OTOGL: variants seen among roughly 807,000 people sequenced by gnomAD.
The protein encoded by OTOGL is otogelin like.
OTOGL carries 285 observed loss-of-function variants against 318.5 expected under a neutral mutation model. The observed-to-expected ratio is 0.89, with a 90% CI of 0.81 to 0.99. The LOEUF is 0.99. OTOGL is among the 50% of genes least tolerant of loss of function. The pLI, the probability that OTOGL is intolerant of heterozygous loss-of-function variation, is 0.00. For synonymous variants in OTOGL, 987 were observed against 936.5 expected (o/e 1.05, Z -0.99); for missense variants, 2,899 against 2,845.6 (o/e 1.02, Z -0.43).
chr12:80,123,180 C>A (rs1412111844), intron 1 of OTOGL, among the ~76,000 whole-genome samples: 3 of 152,066 alleles, frequency 2.0e-5, no homozygotes, highest in Non-Finnish European at 4.4e-5. Context: ...GCTATCCCTC[C>A]CCCTTCCCCC....
chr12:80,309,370 A>G (rs1420391281), intron 29 of OTOGL, among the ~76,000 whole-genome samples: 1 of 152,188 alleles, frequency 6.6e-6, no homozygotes, highest in Non-Finnish European at 1.5e-5. Context: ...GGTGAATCTT[A>G]TAAGATTTAT....
At chr12:80,150,541 C>T (rs1232975954) in intron 1 of OTOGL, among the ~76,000 whole-genome samples, 1 of 152,192 alleles carries the variant, frequency 6.6e-6, no homozygotes, top group Non-Finnish European at 1.5e-5. Context: ...GTTTCTAAGA[C>T]AGTGAACAAA....
At chr12:80,338,816 C>T (rs1888565391) in intron 42 of OTOGL, among the ~76,000 whole-genome samples, 1 of 151,802 alleles carries the variant, frequency 6.6e-6, no homozygotes, top group Admixed American at 6.6e-5. Flanking sequence ...TAGAAGTGTA[C>T]ATAACATAGA....
chr12:80,329,187 T>C, intron 37 of OTOGL, 68 bp downstream of exon 37: 1 of 1,222,998 alleles, frequency 8.2e-7, no homozygotes, highest in South Asian at 1.8e-5. Context: ...ATTTATGTAA[T>C]TTAGGTGTTA....
intron 46 of OTOGL, 65 bp from the exon 47 acceptor site, chr12:80,355,671 C>T: frequency 7.3e-7 from 1 of 1,374,288 alleles, no homozygotes; most frequent in Non-Finnish European, 1.0e-6. Context: ...GAAACCAAAA[C>T]ATGGTGGCAT....
intron 29 of OTOGL, among the ~76,000 whole-genome samples, chr12:80,308,488 C>T (rs1250152002): frequency 1.5e-4 from 22 of 151,330 alleles, no homozygotes; most frequent in South Asian, 1.1e-3. Context: ...CCAGACTGGG[C>T]AGCCAGGCAG....
intron 27 of OTOGL, 24 bp from the exon 28 acceptor site, chr12:80,302,610 T>C: frequency 7.7e-7 from 1 of 1,304,334 alleles, no homozygotes; most frequent in Non-Finnish European, 9.8e-7. Flanking sequence ...ACTCACTTTG[T>C]TTATTTTCTT....
intron 30 of OTOGL, among the ~76,000 whole-genome samples, chr12:80,312,362 CT>C (rs573274154): frequency 7.7e-4 from 117 of 152,256 alleles, no homozygotes; most frequent in African/African-American, 2.7e-3. Context: ...ACAGTGCACT[CT>C]TTTCACTATT....
chr12:80,370,809 C>A, intron 56 of OTOGL, 120 bp downstream of exon 56: 1 of 710,834 alleles, frequency 1.4e-6, no homozygotes, highest in Non-Finnish European at 2.0e-6. Context: ...GTGTTATTTT[C>A]ATGAATGAAT....
In OTOGL at chr12:80,322,832, G is replaced by A. The variant is rs1441757847; in HGVS notation, c.4082-891G>A. On this transcript the variant is annotated intron_variant, in intron 34 of 58. Coordinates refer to ENST00000547103, the MANE Select transcript of OTOGL (RefSeq NM_001378609.3). ...TATCTGGTACAAGGCAACGTGCTAA[G>A]TTTTCTGAGAACAGCAACAGAATAT... is the stretch of plus-strand genomic sequence containing the variant. 3.3e-5 allele frequency among the ~76,000 whole-genome samples: 5 copies of A among 152,284 alleles called. No individual in the cohort carries two copies. In the South Asian group the frequency reaches 1.0e-3, roughly 32 times the overall value.
Position 80,320,496 on chromosome 12 carries a change from A to G in OTOGL, c.3877A>G (p.Ser1293Gly). ...FLYVHDNDTL[S>G]LELWEANSAF... ...CTATGTCCATGACAATGATACTCTT[A>G]GCTTGGAGCTGTGGGAGGCGAATTC... Residue 1293 changes from serine to glycine, a missense_variant, in exon 34 of 59, where the codon AGC becomes GGC. Physicochemically the swap from Ser to Gly is moderately conservative, Grantham distance 56. Coordinates refer to ENST00000547103, the MANE Select transcript of OTOGL (RefSeq NM_001378609.3). 1.2e-6 allele frequency: 2 copies of G among 1,613,644 alleles called. No homozygotes were observed. The highest frequency in any genetic ancestry group is 1.7e-6 in the Non-Finnish European group (2 of 1,179,706).
In OTOGL at chr12:80,295,157, CTTTTTTTTTTTT is replaced by C. The variant is rs66786755; in HGVS notation, c.2929-1652_2929-1641del. Among the ~76,000 whole-genome samples, 200 of 98,938 alleles carry C rather than the reference CTTTTTTTTTTTT, an allele frequency of 2.0e-3. 3 individuals carry two copies. The highest frequency in any genetic ancestry group is 8.7e-3 in the African/African-American group (180 of 20,636). 64.9% of individuals were successfully genotyped at this position (98,938 alleles called of 152,430 possible). ...AAACACAAACTGTATGATTGCCGAA[CTTTTTTTTTTTT>C]TTTTTTTTTTTTTTTTTAAGACAGA... On this transcript the variant is annotated intron_variant, in intron 26 of 58. Transcript: ENST00000547103.
intron 24 of OTOGL, among the ~76,000 whole-genome samples, chr12:80,275,207 T>G (rs994411118): frequency 3.3e-5 from 5 of 151,986 alleles, no homozygotes; most frequent in African/African-American, 1.2e-4. Flanking sequence ...CTATTCTAAA[T>G]ACCATTAAGA....
chr12:80,276,788 G>A (rs983336884), intron 24 of OTOGL, among the ~76,000 whole-genome samples: 8 of 151,554 alleles, frequency 5.3e-5, no homozygotes, highest in South Asian at 4.1e-4. Context: ...TCTTCTATGC[G>A]CTACATATTG....
At chr12:80,124,306 A>C (rs1170897966) in intron 1 of OTOGL, among the ~76,000 whole-genome samples, 1 of 152,150 alleles carries the variant, frequency 6.6e-6, no homozygotes, top group African/African-American at 2.4e-5. Flanking sequence ...TCCTTTCCCC[A>C]TTGCTTGTTT....
chr12:80,304,323 T>C (rs150923651), intron 28 of OTOGL, among the ~76,000 whole-genome samples: 291 of 152,262 alleles, frequency 1.9e-3, no homozygotes, highest in African/African-American at 4.2e-3. Context: ...GTTTACTATT[T>C]AAAATATTTA....
intron 1 of OTOGL, among the ~76,000 whole-genome samples, chr12:80,143,683 A>G (rs959401701): frequency 1.4e-4 from 21 of 152,210 alleles, no homozygotes; most frequent in African/African-American, 5.1e-4. Flanking sequence ...TTGGAGCAGA[A>G]GAAGACGTTT....
intron 1 of OTOGL, among the ~76,000 whole-genome samples, chr12:80,165,235 A>G (rs928738347): frequency 1.3e-5 from 2 of 152,198 alleles, no homozygotes; most frequent in African/African-American, 4.8e-5. Context: ...AAGAAGATCT[A>G]AAGAGATTGA....
Position 80,358,946 on chromosome 12 carries a change from G to T in OTOGL, c.6267+46G>T, listed in dbSNP as rs369365897. ...TGACTTGTCATATTTATTTAAATCT[G>T]TTTATTCTTCCTTTATCTCTCTCAT... On this transcript the variant is annotated intron_variant, in intron 52 of 58. Coordinates refer to ENST00000547103, the MANE Select transcript of OTOGL (RefSeq NM_001378609.3). The T allele has an allele frequency of 1.1e-4, 146 of 1,362,222 alleles. 1 individual carries two copies. The Admixed American group carries it at 2.7e-3, about 25-fold the overall frequency. The allele number at this position is 1,362,222 out of a possible 1,614,324, so 84.4% of individuals were successfully genotyped here.
Sources: gnomAD v4.1 joint callset for allele counts (sites outside exome capture counted in the v4.1 genomes callset) on GRCh38, gnomAD v4.1.1 for gene constraint, MANE v1.5 for transcripts, NCBI Gene and HGNC (gene_info 2026-07-23, HGNC 2026-07-21) for gene names.